The following AMPH variants were observed in gnomAD, a reference collection of about 807,000 sequenced individuals.
AMPH encodes the protein amphiphysin (Stiff-Mann syndrome with breast cancer 128kD autoantigen).
A neutral mutation model predicts 99.1 loss-of-function variants in AMPH; 49 were observed. That is an observed-to-expected ratio of 0.49 (90% CI 0.39 to 0.63). AMPH has a LOEUF of 0.63. Ranked by LOEUF, AMPH falls within the 20% of genes least tolerant of loss-of-function variation. The pLI, the probability that AMPH is intolerant of heterozygous loss-of-function variation, is 0.00. For missense variants in AMPH, 759 were observed against 863.4 expected (o/e 0.88, Z 1.52); for synonymous variants, 314 against 317.3 (o/e 0.99, Z 0.11).
chr7:38,417,555 G>T (rs1056111598), intron 17 of AMPH, among the ~76,000 whole-genome samples: 1 of 152,224 alleles, frequency 6.6e-6, no homozygotes, highest in Non-Finnish European at 1.5e-5. Context: ...TAACAGGTCT[G>T]ATTACTCGCA....
intron 3 of AMPH, among the ~76,000 whole-genome samples, chr7:38,501,546 G>T (rs991013721): frequency 1.3e-5 from 2 of 152,090 alleles, no homozygotes; most frequent in African/African-American, 4.8e-5. Flanking sequence ...TTATAGAGCT[G>T]CCATGAGAAT....
intron 1 of AMPH, among the ~76,000 whole-genome samples, chr7:38,552,091 C>G (rs1392786283): frequency 6.6e-6 from 1 of 152,190 alleles, no homozygotes; most frequent in African/African-American, 2.4e-5. Flanking sequence ...ACTTAATATG[C>G]CAAGTACATT....
intron 11 of AMPH, among the ~76,000 whole-genome samples, chr7:38,443,129 G>A (rs978104861): frequency 5.3e-5 from 8 of 151,854 alleles, no homozygotes; most frequent in African/African-American, 1.9e-4. Flanking sequence ...AGATGAAATG[G>A]ACAGATTTCA....
At chr7:38,399,271 C>T (rs572200064) in intron 17 of AMPH, among the ~76,000 whole-genome samples, 5 of 152,280 alleles carry the variant, frequency 3.3e-5, no homozygotes, top group Admixed American at 2.6e-4. Context: ...ACTACATAAA[C>T]AGAGAAGGAT....
At chr7:38,433,293 G>T (rs1287074071) in intron 12 of AMPH, among the ~76,000 whole-genome samples, 1 of 152,182 alleles carries the variant, frequency 6.6e-6, no homozygotes, top group Non-Finnish European at 1.5e-5. Context: ...CTGGTCTCTT[G>T]CTTAGCATTT....
chr7:38,543,565 T>C (rs1330181615), intron 1 of AMPH, among the ~76,000 whole-genome samples: 1 of 152,238 alleles, frequency 6.6e-6, no homozygotes, highest in Non-Finnish European at 1.5e-5. Flanking sequence ...GTGTCCTATA[T>C]CTAAAAATGT....
At chr7:38,488,323 A>G (rs976802134) in intron 5 of AMPH, among the ~76,000 whole-genome samples, 2 of 152,264 alleles carry the variant, frequency 1.3e-5, no homozygotes, top group South Asian at 4.2e-4. Flanking sequence ...GCACATATAC[A>G]CCATGGAATA....
Position 38,384,854 on chromosome 7 carries a change from G to A in AMPH, c.2052C>T (p.Gly684=). ...LQYRDLATYK[G]LFPENFTRRL... ...GTCGGGTGAAGTTCTCTGGAAAGAG[G>A]CCTTTGTAGGTGGCAAGGTCTCTGT... The change falls in exon 21 of 21, where the codon GGC becomes GGT. Residue 684 remains glycine (G), a synonymous_variant. Coordinates refer to ENST00000356264, the MANE Select transcript of AMPH (RefSeq NM_001635.4). 3 of 1,614,020 alleles carry A rather than the reference G, an allele frequency of 1.9e-6. No homozygotes were observed. The highest frequency in any genetic ancestry group is 2.2e-5 in the South Asian group (2 of 91,070).
chr7:38,529,439 C>T (rs1790312365), intron 2 of AMPH, among the ~76,000 whole-genome samples: 1 of 152,214 alleles, frequency 6.6e-6, no homozygotes, highest in African/African-American at 2.4e-5. Flanking sequence ...TCATGCCTCA[C>T]CTCAGACATC....
intron 17 of AMPH, among the ~76,000 whole-genome samples, chr7:38,406,229 A>C: frequency 6.6e-6 from 1 of 152,204 alleles, no homozygotes; most frequent in East Asian, 1.9e-4. Flanking sequence ...CTAAGAGGAA[A>C]GTTTATACTG....
At chr7:38,503,024 G>A (rs1228815732) in intron 3 of AMPH, among the ~76,000 whole-genome samples, 1 of 141,032 alleles carries the variant, frequency 7.1e-6, no homozygotes, top group African/African-American at 2.7e-5. Flanking sequence ...CAGGCAGCGT[G>A]ATGATGGATA....
In AMPH at chr7:38,594,563, T is replaced by C. The variant is rs552959089; in HGVS notation, c.69+36720A>G. Reference sequence around the variant, plus strand: ...TAGATGTAGGTGATCTGCCAAGGCTTCATCTGGGGAAGAAGGGGTACGTAT... The same window carrying C: ...TAGATGTAGGTGATCTGCCAAGGCTCCATCTGGGGAAGAAGGGGTACGTAT... On this transcript the variant is annotated intron_variant, in intron 1 of 20. Coordinates refer to ENST00000356264, the MANE Select transcript of AMPH (RefSeq NM_001635.4). Among the ~76,000 whole-genome samples the C allele has an allele frequency of 1.4e-4, 21 of 152,248 alleles. No homozygotes were observed. In the South Asian group the frequency reaches 3.7e-3, roughly 27 times the overall value.
chr7:38,602,567 T>C (rs568520470), intron 1 of AMPH, among the ~76,000 whole-genome samples: 2 of 152,318 alleles, frequency 1.3e-5, no homozygotes, highest in East Asian at 3.9e-4. Flanking sequence ...CTTGCCTCCT[T>C]CTTGCTTTTA....
intron 2 of AMPH, among the ~76,000 whole-genome samples, chr7:38,520,055 T>A (rs945192490): frequency 1.3e-5 from 2 of 152,308 alleles, no homozygotes; most frequent in African/African-American, 4.8e-5. Flanking sequence ...TTATAACTCC[T>A]TTGCCTTTCT....
intron 2 of AMPH, among the ~76,000 whole-genome samples, chr7:38,512,530 G>T (rs1460541857): frequency 1.3e-5 from 2 of 152,188 alleles, no homozygotes; most frequent in Non-Finnish European, 1.5e-5. Flanking sequence ...TGAGGAATGG[G>T]ACTCTAAACC....
rs1554364412 is a variant in AMPH, at chr7:38,570,972, T to TATATATATAGAATATATATATAGA, written c.70-35962_70-35961insTCTATATATATATTCTATATATAT. ...ATATATATAGAATATATATATAGAA[T>TATATATATAGAATATATATATAGA]ATATATATATTCAATATATATATAT... On this transcript the variant is annotated intron_variant, in intron 1 of 20. Transcript: ENST00000356264. 6.3e-4 allele frequency among the ~76,000 whole-genome samples: 10 copies of TATATATATAGAATATATATATAGA among 15,968 alleles called. 3 individuals carry two copies. The highest frequency in any genetic ancestry group is 1.0e-3 in the Non-Finnish European group (6 of 5,942). The allele number at this position is 15,968 out of a possible 152,430, so 10.5% of individuals were successfully genotyped here. A position where few individuals can be genotyped will look rare whatever the true frequency, so the allele number is the denominator to read the frequency against.
intron 2 of AMPH, among the ~76,000 whole-genome samples, chr7:38,507,725 T>A (rs1789382251): frequency 6.6e-6 from 1 of 152,236 alleles, no homozygotes; most frequent in Non-Finnish European, 1.5e-5. Context: ...CCCTTGAGAT[T>A]ATATGCCTGT....
At chr7:38,602,598 G>A (rs749997639) in intron 1 of AMPH, among the ~76,000 whole-genome samples, 53 of 152,124 alleles carry the variant, frequency 3.5e-4, no homozygotes, top group Non-Finnish European at 6.6e-4. Flanking sequence ...TGTGGTTACA[G>A]TGAGCCTACC....
At chr7:38,410,203 G>A (rs1785173844) in intron 17 of AMPH, among the ~76,000 whole-genome samples, 1 of 152,226 alleles carries the variant, frequency 6.6e-6, no homozygotes, top group Non-Finnish European at 1.5e-5. Flanking sequence ...CCCAGGCTCA[G>A]GTTGGCAGAA....
Sources: allele counts gnomAD v4.1 joint callset (sites outside exome capture counted in the v4.1 genomes callset), GRCh38; gene constraint gnomAD v4.1.1; transcripts MANE v1.5; gene names NCBI Gene and HGNC (gene_info 2026-07-23, HGNC 2026-07-21).